The following USP15 variants were observed in gnomAD, a reference collection of about 807,000 sequenced individuals.
USP15 encodes the protein ubiquitin specific peptidase 15.
A neutral mutation model predicts 127.1 loss-of-function variants in USP15; 18 were observed. That is an observed-to-expected ratio of 0.14 (90% confidence interval 0.10 to 0.21). The LOEUF (loss-of-function observed/expected upper bound fraction) is 0.21, where lower values mean the gene tolerates loss of function less well. Among genes scored for constraint, USP15 ranks in the 10% least tolerant of loss-of-function variants. The probability of loss-of-function intolerance (pLI) is 1.00; values close to 1 mark genes in which losing one functional copy is unlikely to be tolerated. For synonymous variants in USP15, 364 were observed against 393.7 expected, an observed-to-expected ratio of 0.92 and a Z score of 0.89; for missense variants, 805 against 1,159.9, an observed-to-expected ratio of 0.69 and a Z score of 4.44.
intron 20 of USP15, among the ~76,000 whole-genome samples, chr12:62,398,627 A>G (rs1217831402): frequency 2.0e-5 from 3 of 152,218 alleles, no homozygotes; most frequent in Non-Finnish European, 2.9e-5. Context: ...CCTTTATTAC[A>G]TAGCAGTTGA....
At chr12:62,363,179 T>C (rs2066367758) in intron 8 of USP15, among the ~76,000 whole-genome samples, 1 of 152,218 alleles carries the variant, frequency 6.6e-6, no homozygotes, top group Non-Finnish European at 1.5e-5. Flanking sequence ...TTTGCTTCTA[T>C]CCTTACCCTC....
intron 2 of USP15, among the ~76,000 whole-genome samples, chr12:62,297,432 C>A (rs2064164707): frequency 1.3e-5 from 2 of 152,046 alleles, no homozygotes; most frequent in African/African-American, 2.4e-5. Flanking sequence ...CTGCACTCAG[C>A]ACAGCTCTAC....
At position 62,277,563 on chromosome 12, in the gene USP15, G is replaced by A. The variant is rs373537250; in HGVS notation, c.90-16616G>A. 4 of 152,136 alleles carry A rather than the reference G, an allele frequency of 2.6e-5. No homozygotes were observed. In the South Asian group the frequency reaches 8.3e-4, roughly 31 times the overall value. 9.4% of individuals were successfully genotyped at this position (152,136 alleles called of 1,614,324 possible). A position where few individuals can be genotyped will look rare whatever the true frequency, so the allele number is the denominator to read the frequency against. On this transcript the variant is annotated intron_variant, in intron 1 of 21. Transcript: ENST00000280377. ...TGCAGGGCTGGACGTTGCTCTGGGT[G>A]AGTCAGTGAGTTAGTAGAGAGTGAA... is the stretch of plus-strand genomic sequence containing the variant.
At chr12:62,282,458 ATACCT>A (rs1027778062) in intron 1 of USP15, among the ~76,000 whole-genome samples, 1 of 152,232 alleles carries the variant, frequency 6.6e-6, no homozygotes, top group African/African-American at 2.4e-5. Flanking sequence ...GTTTCTCAAA[ATACCT>A]TACTGTACTG....
chr12:62,369,323 A>G (rs1592682939), intron 8 of USP15, among the ~76,000 whole-genome samples: 2 of 152,326 alleles, frequency 1.3e-5, no homozygotes, highest in South Asian at 2.1e-4. Context: ...CAGGGATGCA[A>G]ATTAAAACAT....
intron 3 of USP15, among the ~76,000 whole-genome samples, chr12:62,310,585 T>G (rs2064640900): frequency 6.6e-6 from 1 of 151,956 alleles, no homozygotes; most frequent in Non-Finnish European, 1.5e-5. Context: ...GGCGGAATAG[T>G]ACTCCATTGT....
At chr12:62,282,368 G>A (rs1469597275) in intron 1 of USP15, among the ~76,000 whole-genome samples, 1 of 152,036 alleles carries the variant, frequency 6.6e-6, no homozygotes, top group African/African-American at 2.4e-5. Flanking sequence ...TTATAAATTA[G>A]CCACAGGAAG....
chr12:62,264,363 G>A (rs992709196), intron 1 of USP15, among the ~76,000 whole-genome samples: 7 of 152,226 alleles, frequency 4.6e-5, no homozygotes, highest in African/African-American at 9.6e-5. Context: ...GCACTGCTTC[G>A]TTTCCACCAT....
intron 4 of USP15, among the ~76,000 whole-genome samples, chr12:62,315,457 CAT>C (rs749957713): frequency 6.6e-6 from 1 of 151,798 alleles, no homozygotes; most frequent in Non-Finnish European, 1.5e-5. Flanking sequence ...TTAAAAGACA[CAT>C]TTTTAATTTT....
intron 8 of USP15, among the ~76,000 whole-genome samples, chr12:62,371,404 T>C (rs2066662374): frequency 6.6e-6 from 1 of 152,174 alleles, no homozygotes; most frequent in Admixed American, 6.5e-5. Flanking sequence ...GTTAGTATAG[T>C]ACCAGATAAT....
chr12:62,355,540 T>G, intron 8 of USP15, 65 bp downstream of exon 8: 1 of 1,495,600 alleles, frequency 6.7e-7, no homozygotes, highest in Non-Finnish European at 8.9e-7. Flanking sequence ...GAAGATAAAG[T>G]TGGGTTTTTC....
chr12:62,390,110 T>C, intron 14 of USP15, 122 bp downstream of exon 14: 1 of 1,077,668 alleles, frequency 9.3e-7, no homozygotes, highest in Non-Finnish European at 1.2e-6. Flanking sequence ...ATTATCTCAA[T>C]TTTGTTCATA....
chr12:62,392,145 C>T (rs1302455543), intron 17 of USP15, 127 bp from the exon 18 acceptor site: 2 of 738,388 alleles, frequency 2.7e-6, no homozygotes, highest in Non-Finnish European at 4.5e-6. Context: ...TAAATCTCAA[C>T]TGAAATAAGC....
At chr12:62,321,902 G>A (rs1249526732) in intron 5 of USP15, among the ~76,000 whole-genome samples, 3 of 152,110 alleles carry the variant, frequency 2.0e-5, no homozygotes, top group South Asian at 4.1e-4. Context: ...AACATATATG[G>A]AGCATCTCTT....
rs533426724 is a variant in USP15 at position 62,347,153 on chromosome 12, A to G, written c.684-2068A>G. ...GAGGCATACAGTAGTCATTTAATAA[A>G]TGTTTGAGTGTTTAAATGAACTCCA... is the stretch of plus-strand genomic sequence containing the variant. On this transcript the variant is annotated intron_variant, in intron 6 of 21. Coordinates refer to ENST00000280377, the MANE Select transcript of USP15 (RefSeq NM_001252078.2). Among the ~76,000 whole-genome samples, 16 of 152,226 alleles carry G rather than the reference A, an allele frequency of 1.1e-4. No homozygotes were observed. The East Asian group carries it at 3.1e-3, about 29-fold the overall frequency.
chr12:62,317,801 A>C (rs887055170), intron 4 of USP15, among the ~76,000 whole-genome samples: 1 of 152,336 alleles, frequency 6.6e-6, no homozygotes, highest in East Asian at 1.9e-4. Context: ...GCCATAGGCC[A>C]TATCTAAATG....
At chr12:62,392,878 A>G (rs2067367583) in intron 18 of USP15, among the ~76,000 whole-genome samples, 175 bp from the exon 19 acceptor site, 1 of 152,168 alleles carries the variant, frequency 6.6e-6, no homozygotes, top group Non-Finnish European at 1.5e-5. Context: ...ACCTATTTGG[A>G]AAATGTCTTG....
At chr12:62,349,004 T>G (rs2065896957) in intron 6 of USP15, among the ~76,000 whole-genome samples, 1 of 152,160 alleles carries the variant, frequency 6.6e-6, no homozygotes, top group African/African-American at 2.4e-5. Flanking sequence ...TTTAATTTGA[T>G]AAATTTTATT....
chr12:62,391,106 T>A, intron 15 of USP15, 51 bp from the exon 16 acceptor site: 1 of 1,530,408 alleles, frequency 6.5e-7, no homozygotes, highest in East Asian at 2.4e-5. Context: ...TATTAATAAT[T>A]TAAAAATATA....
Sources: gnomAD v4.1 joint callset for allele counts (sites outside exome capture counted in the v4.1 genomes callset) on GRCh38, gnomAD v4.1.1 for gene constraint, MANE v1.5 for transcripts, NCBI Gene and HGNC (gene_info 2026-07-23, HGNC 2026-07-21) for gene names.